The following RIT2 variants were observed in gnomAD, a reference collection of about 807,000 sequenced individuals.
The protein encoded by RIT2 is GTP-binding protein Rit2.
Under a neutral mutation model 23.7 loss-of-function variants are expected in RIT2, and 24 were observed. That is an observed-to-expected ratio of 1.01 (90% CI 0.73 to 1.43). RIT2 has a LOEUF of 1.43. RIT2 is among the 40% of genes most tolerant of loss of function. The probability of loss-of-function intolerance (pLI) is 0.00; values close to 1 mark genes in which losing one functional copy is unlikely to be tolerated. For missense variants in RIT2, 236 were observed against 266.9 expected, an observed-to-expected ratio of 0.88 and a Z score of 0.81; for synonymous variants, 107 against 91.1, an observed-to-expected ratio of 1.17 and a Z score of -0.99.
chr18:43,059,519 G>C (rs1912592772), intron 1 of RIT2, among the ~76,000 whole-genome samples: 1 of 152,082 alleles, frequency 6.6e-6, no homozygotes, highest in Non-Finnish European at 1.5e-5. Context: ...TTAGAAACAG[G>C]ACAGCAAACA....
chr18:42,929,034 G>GATATATATAGATATATATATATATATAT (rs1555647356), intron 3 of RIT2, among the ~76,000 whole-genome samples: 3 of 96,946 alleles, frequency 3.1e-5, no homozygotes, highest in Non-Finnish European at 3.9e-5. Flanking sequence ...AAAATATGGA[G>GATATATATAGATATATATATATATATAT]ATATATATAT....
At chr18:42,844,512 G>A (rs932347814) in intron 4 of RIT2, among the ~76,000 whole-genome samples, 1 of 152,072 alleles carries the variant, frequency 6.6e-6, no homozygotes, top group African/African-American at 2.4e-5. Flanking sequence ...AATCTTTCCT[G>A]AACTCTGGCC....
chr18:42,847,136 G>A (rs1043536594), intron 4 of RIT2, among the ~76,000 whole-genome samples: 1 of 152,132 alleles, frequency 6.6e-6, no homozygotes, highest in African/African-American at 2.4e-5. Flanking sequence ...AAGGAAAATG[G>A]TCAGTACTTG....
chr18:43,029,733 G>A (rs1167913152), intron 2 of RIT2, among the ~76,000 whole-genome samples: 1 of 151,896 alleles, frequency 6.6e-6, no homozygotes, highest in Non-Finnish European at 1.5e-5. Context: ...ATTTGTTAAG[G>A]AAATAATATT....
Position 42,948,785 on chromosome 18 carries a change from G to A in RIT2, c.235-25022C>T, listed in dbSNP as rs925651118. Among the ~76,000 whole-genome samples the A allele has an allele frequency of 7.2e-5, 11 of 152,070 alleles. No individual in the cohort carries two copies. In the East Asian group the frequency reaches 2.1e-3, roughly 29 times the overall value. ...CTCAGCTGGAGCAAACCAAAAGCAT[G>A]CAAAACGCTGTGATGGCAGAACCCT... On this transcript the variant is annotated intron_variant, in intron 3 of 4. Coordinates refer to ENST00000326695, the MANE Select transcript of RIT2 (RefSeq NM_002930.4).
intron 2 of RIT2, among the ~76,000 whole-genome samples, chr18:43,002,544 C>T (rs1228677095): frequency 2.0e-5 from 3 of 151,758 alleles, no homozygotes; most frequent in Non-Finnish European, 2.9e-5. Context: ...TAAGCTAAAG[C>T]TCTTTAAGAT....
intron 2 of RIT2, among the ~76,000 whole-genome samples, chr18:43,010,724 G>T (rs1472762744): frequency 6.6e-6 from 1 of 151,698 alleles, no homozygotes; most frequent in Non-Finnish European, 1.5e-5. Context: ...ATTTGAAAAT[G>T]CACCCACACA....
rs1018482523 is a variant in RIT2, at chr18:43,010,935, C to T, written c.160+22876G>A. On this transcript the variant is annotated intron_variant, in intron 2 of 4. Coordinates refer to ENST00000326695, the MANE Select transcript of RIT2 (RefSeq NM_002930.4). ...TGTTCCCAAGGTATATTTCTGGGTG[C>T]TAAAGACATGGGACCTAAATAGGTA... Among the ~76,000 whole-genome samples, 10 of 151,662 alleles carry T rather than the reference C, an allele frequency of 6.6e-5. No homozygotes were observed. The East Asian group carries it at 1.6e-3, about 24-fold the overall frequency.
At chr18:42,877,021 A>G (rs1475645132) in intron 4 of RIT2, among the ~76,000 whole-genome samples, 1 of 151,926 alleles carries the variant, frequency 6.6e-6, no homozygotes, top group Non-Finnish European at 1.5e-5. Context: ...AGAATTAGCC[A>G]CAGAGAACAT....
chr18:42,895,296 G>T (rs991260997), intron 4 of RIT2, among the ~76,000 whole-genome samples: 1 of 151,936 alleles, frequency 6.6e-6, no homozygotes, highest in African/African-American at 2.4e-5. Flanking sequence ...ACCAATTAAA[G>T]ATTTCAGATC....
chr18:43,014,737 G>A (rs1157079629), intron 2 of RIT2, among the ~76,000 whole-genome samples: 3 of 151,432 alleles, frequency 2.0e-5, no homozygotes, highest in Non-Finnish European at 3.0e-5. Flanking sequence ...TAAGAGTGCA[G>A]GAATGAGTCC....
At chr18:42,872,260 A>C (rs1483455113) in intron 4 of RIT2, among the ~76,000 whole-genome samples, 1 of 152,150 alleles carries the variant, frequency 6.6e-6, no homozygotes, top group African/African-American at 2.4e-5. Context: ...CCAGAAACAA[A>C]ACTAAATTCA....
intron 4 of RIT2, among the ~76,000 whole-genome samples, chr18:42,909,013 A>T (rs1908697168): frequency 6.6e-6 from 1 of 152,178 alleles, no homozygotes; most frequent in Non-Finnish European, 1.5e-5. Flanking sequence ...TATGAAAAAG[A>T]CACACATCCA....
intron 2 of RIT2, among the ~76,000 whole-genome samples, chr18:43,023,336 T>C (rs912675674): frequency 2.6e-5 from 4 of 152,080 alleles, no homozygotes; most frequent in South Asian, 2.1e-4. Flanking sequence ...AGTTAATAAA[T>C]TGACATTATG....
intron 1 of RIT2, among the ~76,000 whole-genome samples, chr18:43,042,050 T>C (rs1440341823): frequency 6.6e-6 from 1 of 152,120 alleles, no homozygotes. Context: ...TAGAGAATAA[T>C]ACAATCTAAA....
intron 3 of RIT2, among the ~76,000 whole-genome samples, chr18:42,954,935 T>C (rs1909938046): frequency 6.6e-6 from 1 of 152,192 alleles, no homozygotes; most frequent in Admixed American, 6.6e-5. Context: ...AGGCTGTATG[T>C]TTGCTTAACA....
At chr18:42,830,400 C>T (rs889022843) in intron 4 of RIT2, among the ~76,000 whole-genome samples, 2 of 152,168 alleles carry the variant, frequency 1.3e-5, no homozygotes, top group African/African-American at 4.8e-5. Flanking sequence ...TCAACATGGT[C>T]AGGATATCAC....
chr18:42,888,618 A>G (rs1568022098), intron 4 of RIT2, among the ~76,000 whole-genome samples: 1 of 151,866 alleles, frequency 6.6e-6, no homozygotes, highest in Non-Finnish European at 1.5e-5. Context: ...TCATATATTC[A>G]CTGCTGCAGT....
At chr18:42,790,492 G>A (rs1914017895) in intron 4 of RIT2, among the ~76,000 whole-genome samples, 2 of 152,172 alleles carry the variant, frequency 1.3e-5, no homozygotes, top group South Asian at 4.2e-4. Context: ...GCCTAGGCCG[G>A]AATGCAGTGG....
Sources: gnomAD v4.1 joint callset for allele counts (sites outside exome capture counted in the v4.1 genomes callset) on GRCh38, gnomAD v4.1.1 for gene constraint, MANE v1.5 for transcripts, NCBI Gene and HGNC (gene_info 2026-07-23, HGNC 2026-07-21) for gene names.